The following DYNC2H1 variants were observed in gnomAD, a reference collection of about 807,000 sequenced individuals.
DYNC2H1 encodes cytoplasmic dynein 2 heavy chain 1.
A neutral mutation model predicts 570.0 loss-of-function variants in DYNC2H1; 410 were observed. The observed-to-expected ratio is 0.72, with a 90% CI of 0.66 to 0.78. The LOEUF is 0.78. DYNC2H1 is among the 30% of genes least tolerant of loss of function. DYNC2H1 has a pLI of 0.00. For missense variants in DYNC2H1, 4,865 were observed against 5,046.4 expected (o/e 0.96, Z 1.09); for synonymous variants, 1,688 against 1,677.6 (o/e 1.01, Z -0.15).
At chr11:103,121,878 G>C (rs1003584500) in intron 10 of DYNC2H1, among the ~76,000 whole-genome samples, 1 of 152,134 alleles carries the variant, frequency 6.6e-6, no homozygotes, top group East Asian at 1.9e-4. Flanking sequence ...CTGAACCTGG[G>C]ATATTGAGGC....
chr11:103,407,746 T>A (rs531289361), intron 84 of DYNC2H1: 2 of 151,916 alleles, frequency 1.3e-5, no homozygotes, highest in Non-Finnish European at 2.9e-5. Flanking sequence ...TGCAGCATAT[T>A]TGATGTTGAA....
chr11:103,313,089 T>C (rs1422106469), intron 79 of DYNC2H1, among the ~76,000 whole-genome samples: 1 of 152,248 alleles, frequency 6.6e-6, no homozygotes, highest in Non-Finnish European at 1.5e-5. Context: ...ATTATCTTTC[T>C]AATATCTGAG....
intron 83 of DYNC2H1, among the ~76,000 whole-genome samples, chr11:103,360,834 C>T (rs1399078456): frequency 6.6e-6 from 1 of 152,068 alleles, no homozygotes; most frequent in Non-Finnish European, 1.5e-5. Context: ...CAAATTATTG[C>T]AGATGCTGTG....
In DYNC2H1 at chr11:103,209,955, A is replaced by T. The variant is rs1490582328; in HGVS notation, c.8534A>T (p.Asn2845Ile). Residue 2845 changes from asparagine (N) to isoleucine (I), a missense_variant, in exon 53 of 89, where the codon AAT becomes ATT. Asn to Ile is a moderately radical substitution (Grantham distance 149). Around this residue, in one of 5 missense-constraint regions of DYNC2H1, gnomAD observed 2,401 missense variants for 2,454.6 expected, o/e 0.98. Coordinates refer to ENST00000375735, the MANE Select transcript of DYNC2H1 (RefSeq NM_001377.3). The surrounding 1 kb of genome is among the most constrained non-coding windows in gnomAD (Gnocchi z 4.2). ...AAACGAAAAGAAGAAAAGAAAAAAA[A>T]TTCAGGTAGTATTTTGATAAAATCA... The part of the protein sequence containing the change: ...DKKRKEEKKK[N>I]SVDPDFLKSF... 1 of 1,486,956 alleles carries T rather than the reference A, an allele frequency of 6.7e-7. No individual in the cohort carries two copies. Among genetic ancestry groups the T allele is most frequent in the Admixed American group, 2.4e-5 (1 of 40,820 alleles). The allele number at this position is 1,486,956 out of a possible 1,614,324, so 92.1% of individuals were successfully genotyped here. A position where few individuals can be genotyped will look rare whatever the true frequency, so the allele number is the denominator to read the frequency against.
At chr11:103,407,117 G>T (rs1714380821) in intron 84 of DYNC2H1, 1 of 151,616 alleles carries the variant, frequency 6.6e-6, no homozygotes, top group Non-Finnish European at 1.5e-5. Context: ...AATTAAGATT[G>T]GAGTAAGAGC....
Position 103,205,496 on chromosome 11 carries a change from G to C in DYNC2H1, c.8454+532G>C, listed in dbSNP as rs145305369. ...ATAAGAGAAGTATAGTTTAATGCCTGCCATGATTCAGAGTAAGGAGTGTAA... is the reference window on the plus strand; with the variant it reads ...ATAAGAGAAGTATAGTTTAATGCCTCCCATGATTCAGAGTAAGGAGTGTAA... On this transcript the variant is annotated intron_variant, in intron 52 of 88. Transcript: ENST00000375735. This position sits in a 1 kb window ranked among gnomAD's most constrained non-coding sequence, Gnocchi z 4.5. Among the ~76,000 whole-genome samples the C allele has an allele frequency of 5.2e-3, 797 of 152,184 alleles. 7 individuals are homozygous for C. Among genetic ancestry groups the C allele is most frequent in the African/African-American group, 0.018 (765 of 41,556 alleles).
chr11:103,325,962 C>T lies in DYNC2H1; in HGVS notation c.12039+1972C>T, dbSNP rs1938447023. On this transcript the variant is annotated intron_variant, in intron 82 of 88. Coordinates refer to ENST00000375735, the MANE Select transcript of DYNC2H1 (RefSeq NM_001377.3). This position sits in a 1 kb window ranked among gnomAD's most constrained non-coding sequence, Gnocchi z 4.8. ...TCTGATTCTCATCTGGTGGGGCTGG[C>T]GTTCCTTTAACTCTGATGCAAGTTG... 6.6e-6 allele frequency among the ~76,000 whole-genome samples: 1 copy of T among 152,036 alleles called. No individual in the cohort carries two copies. The highest frequency in any genetic ancestry group is 2.1e-4 in the South Asian group (1 of 4,824).
In DYNC2H1 at chr11:103,189,446, C is replaced by T. The variant is rs944657010; in HGVS notation, c.7293-226C>T. Among the ~76,000 whole-genome samples the T allele has an allele frequency of 2.6e-5, 4 of 152,046 alleles. No individual in the cohort carries two copies. The highest frequency in any genetic ancestry group is 9.7e-5 in the African/African-American group (4 of 41,418). ...TGTTTTAACATAATTTCTTGGGGTT[C>T]TCTAACACCTTCTGGTATTTGACAA... On this transcript the variant is annotated intron_variant, in intron 44 of 88. Transcript: ENST00000375735. This position sits in a 1 kb window ranked among gnomAD's most constrained non-coding sequence, Gnocchi z 4.3.
intron 84 of DYNC2H1, among the ~76,000 whole-genome samples, chr11:103,430,642 G>A (rs1462843985): frequency 6.6e-6 from 1 of 151,960 alleles, no homozygotes; most frequent in Non-Finnish European, 1.5e-5. Flanking sequence ...AAATTCCTTA[G>A]TATAAACCAC....
In DYNC2H1 at chr11:103,163,483, C is replaced by T. The variant is rs1302669272; in HGVS notation, c.4611+336C>T. On this transcript the variant is annotated intron_variant, in intron 30 of 88. Coordinates refer to ENST00000375735, the MANE Select transcript of DYNC2H1 (RefSeq NM_001377.3). The surrounding 1 kb of genome is among the most constrained non-coding windows in gnomAD (Gnocchi z 4.6). ...TACCCGTCCATCCCTCCCATGGGAT[C>T]ATCTAAGCATTGGAGCTGGCAGGAA... 2.0e-5 allele frequency among the ~76,000 whole-genome samples: 3 copies of T among 152,094 alleles called. No homozygotes were observed. The highest frequency in any genetic ancestry group is 6.6e-5 in the Admixed American group (1 of 15,258).
intron 88 of DYNC2H1, among the ~76,000 whole-genome samples, chr11:103,478,074 G>A (rs1369820383): frequency 6.6e-6 from 1 of 151,888 alleles, no homozygotes; most frequent in South Asian, 2.1e-4. Flanking sequence ...TCCCCTGAGC[G>A]AAGACTGACA....
At chr11:103,191,664 A>G (rs771263375) in intron 46 of DYNC2H1, 45 bp downstream of exon 46, 5 of 1,009,930 alleles carry the variant, frequency 5.0e-6, no homozygotes, top group South Asian at 2.5e-5. Flanking sequence ...GTGTGTGTGC[A>G]CATTTATTCT....
chr11:103,362,039 A>G (rs1363111060), intron 83 of DYNC2H1, among the ~76,000 whole-genome samples: 1 of 142,020 alleles, frequency 7.0e-6, no homozygotes, highest in African/African-American at 3.1e-5. Context: ...AGCTGGAGTC[A>G]ATGTATCTAG....
At chr11:103,419,868 C>A (rs1943420157) in intron 84 of DYNC2H1, among the ~76,000 whole-genome samples, 1 of 151,980 alleles carries the variant, frequency 6.6e-6, no homozygotes, top group Admixed American at 6.6e-5. Flanking sequence ...TAATCCAATG[C>A]AAAGAAGCTA....
intron 87 of DYNC2H1, among the ~76,000 whole-genome samples, chr11:103,462,676 A>T (rs1387826129): frequency 6.6e-6 from 1 of 152,348 alleles, no homozygotes; most frequent in East Asian, 1.9e-4. Context: ...TAAACTGGGA[A>T]TATTCAAAAG....
In DYNC2H1 at chr11:103,177,523, A is replaced by T; in HGVS notation, c.5875-33A>T. The T allele has an allele frequency of 6.4e-7, 1 of 1,565,212 alleles. No individual in the cohort carries two copies. The highest frequency in any genetic ancestry group is 1.4e-5 in the African/African-American group (1 of 72,268). On this transcript the variant is annotated intron_variant, in intron 37 of 88. Transcript: ENST00000375735. The surrounding 1 kb of genome is among the most constrained non-coding windows in gnomAD (Gnocchi z 4.4). ...AGAACTAAGTATGATTGAATATTAT[A>T]AATCATATATGAACATATTTCTTTC...
intron 75 of DYNC2H1, among the ~76,000 whole-genome samples, chr11:103,300,141 A>G (rs1395502351): frequency 6.6e-6 from 1 of 152,038 alleles, no homozygotes; most frequent in Non-Finnish European, 1.5e-5. Context: ...ATAATTTGCC[A>G]CTTTCTTTAC....
At position 103,479,527 on chromosome 11, in the gene DYNC2H1, G is replaced by A. The variant is rs1221978478; in HGVS notation, c.*274G>A. 1.2e-5 allele frequency: 3 copies of A among 250,592 alleles called. No individual in the cohort carries two copies. Among genetic ancestry groups the A allele is most frequent in the African/African-American group, 6.7e-5 (3 of 44,926 alleles). The allele number at this position is 250,592 out of a possible 1,614,324, so 15.5% of individuals were successfully genotyped here. A position where few individuals can be genotyped will look rare whatever the true frequency, so the allele number is the denominator to read the frequency against. ...CACTTTTCCAGTGGCTCAAAAATTT[G>A]TTTTAGGTCAGAGATTTTAAGTGGT... On this transcript the variant is annotated 3_prime_UTR_variant, in exon 89 of 89. Coordinates refer to ENST00000375735, the MANE Select transcript of DYNC2H1 (RefSeq NM_001377.3).
rs1040540931 is a variant in DYNC2H1 at position 103,165,840 on chromosome 11, A to C, written c.4612-58A>C. On this transcript the variant is annotated intron_variant, in intron 30 of 88. Coordinates refer to ENST00000375735, the MANE Select transcript of DYNC2H1 (RefSeq NM_001377.3). ...AAAAAAGGTGCCTTTCTTTAAATTT[A>C]TAAAATATTTCTAAGTAAATTCACC... The C allele has an allele frequency of 7.6e-5, 103 of 1,357,118 alleles. No homozygotes were observed. The East Asian group carries it at 2.9e-3, about 38-fold the overall frequency. The allele number at this position is 1,357,118 out of a possible 1,614,324, so 84.1% of individuals were successfully genotyped here.
Sources: allele counts gnomAD v4.1 joint callset (sites outside exome capture counted in the v4.1 genomes callset), GRCh38; gene constraint gnomAD v4.1.1; regional missense constraint gnomAD v4.1.1; non-coding constraint Gnocchi (gnomAD v3.1); transcripts MANE v1.5; gene names NCBI Gene and HGNC (gene_info 2026-07-23, HGNC 2026-07-21).